Variants in P4HB observed in about 807,000 individuals in gnomAD.
P4HB encodes the protein prolyl 4-hydroxylase subunit beta.
P4HB carries 20 observed loss-of-function variants against 52.6 expected under a neutral mutation model. The ratio of observed to expected loss-of-function variants is 0.38; its 90% CI spans 0.27 to 0.55. The LOEUF is 0.55. Ranked by LOEUF, P4HB falls within the 20% of genes least tolerant of loss-of-function variation. The pLI is 0.74. For synonymous variants in P4HB, 296 were observed against 277.9 expected, an observed-to-expected ratio of 1.07 and a Z score of -0.65; for missense variants, 601 against 669.2, an observed-to-expected ratio of 0.90 and a Z score of 1.12.
At chr17:81,849,184 G>T (rs529788121) in intron 4 of P4HB, among the ~76,000 whole-genome samples, 50 of 151,718 alleles carry the variant, frequency 3.3e-4, no homozygotes, top group African/African-American at 1.2e-3. Context: ...TCGCACCACT[G>T]CACTCCAGCC....
intron 4 of P4HB, among the ~76,000 whole-genome samples, chr17:81,848,975 G>A (rs2143330288): frequency 6.6e-6 from 1 of 151,956 alleles, no homozygotes; most frequent in African/African-American, 2.4e-5. Flanking sequence ...GAACCCGGGA[G>A]GCAGAGGTTG....
At chr17:81,859,107 G>A (rs936311924) in intron 2 of P4HB, 74 bp downstream of exon 2, 27 of 1,401,334 alleles carry the variant, frequency 1.9e-5, no homozygotes, top group Non-Finnish European at 2.6e-5. Flanking sequence ...CGCTCAGACA[G>A]CTGCCCCTGC....
At position 81,845,939 on chromosome 17, in the gene P4HB, T is replaced by C. The variant is rs2038728845; in HGVS notation, c.1109A>G (p.Lys370Arg). 1 of 1,613,346 alleles carries C rather than the reference T, an allele frequency of 6.2e-7. No homozygotes were observed. The highest frequency in any genetic ancestry group is 1.1e-5 in the South Asian group (1 of 90,954). Residue 370 changes from lysine to arginine, a missense_variant, in exon 8 of 11, where the codon AAG becomes AGG. Transcript: ENST00000331483. ...TTCAAAGTTCTTCCCAACAAGCACC[T>C]TGACAGGCTGCTTGTCCCAGTCCTC... ...LPEDWDKQPV[K>R]VLVGKNFEDV...
At chr17:81,853,979 G>A (rs2038875038) in intron 4 of P4HB, among the ~76,000 whole-genome samples, 1 of 152,234 alleles carries the variant, frequency 6.6e-6, no homozygotes, top group Non-Finnish European at 1.5e-5. Flanking sequence ...GGACCCTGCT[G>A]TGTCCTGGTA....
In P4HB at chr17:81,859,183, G is replaced by C. The variant is rs1461731260; in HGVS notation, c.350C>G (p.Thr117Arg). 1 of 1,613,466 alleles carries C rather than the reference G, an allele frequency of 6.2e-7. No individual in the cohort carries two copies. Among genetic ancestry groups the C allele is most frequent in the Admixed American group, 1.7e-5 (1 of 60,024 alleles). The change falls in exon 2 of 11, where the codon ACA becomes AGA. Residue 117 changes from threonine (T) to arginine (R), a missense_variant and splice_region_variant. Thr to Arg is a moderately conservative substitution (Grantham distance 71). Coordinates refer to ENST00000331483, the MANE Select transcript of P4HB (RefSeq NM_000918.4). ...NGDTASPKEY[T>R]AGREADDIVN... is the part of the protein sequence containing the mutation. Reference sequence around the variant, plus strand: ...CAAGGGCAGTGCCACAGCCACACCTGTATATTCCTTGGGGGAAGCCGTGTC... The same window carrying C: ...CAAGGGCAGTGCCACAGCCACACCTCTATATTCCTTGGGGGAAGCCGTGTC...
In P4HB at chr17:81,846,815, C is replaced by T; in HGVS notation, c.855+132G>A. ...GGCCTGGCTGGCCCCTCGCCTACAT[C>T]CAGGCTGTCCTGAATCAGGTGCCCG... On this transcript the variant is annotated intron_variant, in intron 6 of 10. Coordinates refer to ENST00000331483, the MANE Select transcript of P4HB (RefSeq NM_000918.4). This position sits in a 1 kb window ranked among gnomAD's most constrained non-coding sequence, Gnocchi z 5.7. 1 of 1,314,770 alleles carries T rather than the reference C, an allele frequency of 7.6e-7. No individual in the cohort carries two copies. Among genetic ancestry groups the T allele is most frequent in the Non-Finnish European group, 1.1e-6 (1 of 936,166 alleles). 81.4% of individuals were successfully genotyped at this position (1,314,770 alleles called of 1,614,324 possible). A position where few individuals can be genotyped will look rare whatever the true frequency, so the allele number is the denominator to read the frequency against.
At chr17:81,856,334 CTTTTTT>C (rs531626630) in intron 2 of P4HB, among the ~76,000 whole-genome samples, 1 of 130,908 alleles carries the variant, frequency 7.6e-6, no homozygotes, top group Non-Finnish European at 1.6e-5. Flanking sequence ...ACCCAACTAA[CTTTTTT>C]TTTTTTTTTT....
At position 81,847,255 on chromosome 17, in the gene P4HB, C is replaced by T; in HGVS notation, c.717G>A (p.Glu239=). ...IKHNQLPLVI[E]FTEQTAPKIF... ...AGGGCAGCCGCACCTGCTCGGTGAA[C>T]TCGATGACAAGGGGCAGCTGGTTGT... The change falls in exon 5 of 11, where the codon GAG becomes GAA. Residue 239 remains glutamate (E), a synonymous_variant. Coordinates refer to ENST00000331483, the MANE Select transcript of P4HB (RefSeq NM_000918.4). The T allele has an allele frequency of 6.2e-7, 1 of 1,614,134 alleles. No individual in the cohort carries two copies.
Position 81,843,190 on chromosome 17 carries a change from A to G in P4HB, c.*822T>C, listed in dbSNP as rs1051319651. On this transcript the variant is annotated 3_prime_UTR_variant, in exon 11 of 11. Coordinates refer to ENST00000331483, the MANE Select transcript of P4HB (RefSeq NM_000918.4). ...GTAAAATTTCAACTTTATTTGGCCA[A>G]TGTGTTCAATTCGATTGTGAAATAG... The G allele has an allele frequency of 1.1e-5, 3 of 271,756 alleles. No individual in the cohort carries two copies. Among genetic ancestry groups the G allele is most frequent in the Admixed American group, 1.1e-4 (2 of 18,748 alleles). 16.8% of individuals were successfully genotyped at this position (271,756 alleles called of 1,614,324 possible).
At position 81,855,515 on chromosome 17, in the gene P4HB, C is replaced by T. The variant is rs1213082849; in HGVS notation, c.424G>A (p.Asp142Asn). ...RTGPAATTLP[D>N]GAAAESLVES... ...ACCAAGGACTCTGCAGCTGCGCCGT[C>T]AGGCAGGGTGGTGGCAGCCGGGCCC... is the stretch of plus-strand genomic sequence containing the variant. Residue 142 changes from aspartate to asparagine, a missense_variant, in exon 3 of 11, where the codon GAC becomes AAC. Coordinates refer to ENST00000331483, the MANE Select transcript of P4HB (RefSeq NM_000918.4). The surrounding 1 kb of genome is among the most constrained non-coding windows in gnomAD (Gnocchi z 4.3). 6.2e-7 allele frequency: 1 copy of T among 1,614,000 alleles called. No homozygotes were observed.
At position 81,860,463 on chromosome 17, in the gene P4HB, G is replaced by A; in HGVS notation, c.9C>T (p.Arg3=). Residue 3 remains arginine, a synonymous_variant, in exon 1 of 11, where the codon CGC becomes CGT. Transcript: ENST00000331483. ...CCACGGCCAGGCACAGCAGAGCGCG[G>A]CGCAGCATGTCGGACACGGATCAGG... ML[R]RALLCLAVAA... is the part of the protein sequence containing the mutation. The A allele has an allele frequency of 2.2e-6, 3 of 1,336,446 alleles. No individual in the cohort carries two copies. The highest frequency in any genetic ancestry group is 1.9e-6 in the Non-Finnish European group (2 of 1,040,232). The allele number at this position is 1,336,446 out of a possible 1,614,324, so 82.8% of individuals were successfully genotyped here.
At chr17:81,851,018 C>T (rs1008102148) in intron 4 of P4HB, among the ~76,000 whole-genome samples, 1 of 151,960 alleles carries the variant, frequency 6.6e-6, no homozygotes, top group East Asian at 1.9e-4. Context: ...GCAAGCTCCG[C>T]CTCCTGAGTT....
Position 81,860,356 on chromosome 17 carries a change from G to C in P4HB, c.116C>G (p.Ala39Gly). Residue 39 changes from alanine to glycine, a missense_variant, in exon 1 of 11, where the codon GCG (alanine) becomes GGG (glycine). Physicochemically the swap from Ala to Gly is moderately conservative, Grantham distance 60. Coordinates refer to ENST00000331483, the MANE Select transcript of P4HB (RefSeq NM_000918.4). ...CTCCACCAGCAGGTACTTGTGGGCCGCCAGCGCCTCCGCGAAGTTGCTTTT... is the reference window on the plus strand; with the variant it reads ...CTCCACCAGCAGGTACTTGTGGGCCCCCAGCGCCTCCGCGAAGTTGCTTTT... Reference protein sequence around the residue: ...LRKSNFAEALAAHKYLLVEFY... With the variant: ...LRKSNFAEALGAHKYLLVEFY... 6.8e-7 allele frequency: 1 copy of C among 1,472,330 alleles called. No individual in the cohort carries two copies. The highest frequency in any genetic ancestry group is 9.0e-7 in the Non-Finnish European group (1 of 1,110,986). 91.2% of individuals were successfully genotyped at this position (1,472,330 alleles called of 1,614,324 possible). A position where few individuals can be genotyped will look rare whatever the true frequency, so the allele number is the denominator to read the frequency against.
intron 4 of P4HB, among the ~76,000 whole-genome samples, chr17:81,853,548 T>TG (rs1377424457): frequency 6.6e-6 from 1 of 150,840 alleles, no homozygotes; most frequent in African/African-American, 2.4e-5. Flanking sequence ...CACTCCAGCC[T>TG]GGGCGACAGA....
chr17:81,858,147 C>T (rs2038941242), intron 2 of P4HB, among the ~76,000 whole-genome samples: 1 of 151,010 alleles, frequency 6.6e-6, no homozygotes, highest in South Asian at 2.1e-4. Flanking sequence ...TGGTGCACAC[C>T]TGTAGCCCCA....
intron 2 of P4HB, among the ~76,000 whole-genome samples, chr17:81,857,946 G>A (rs1283422137): frequency 6.6e-6 from 1 of 152,080 alleles, no homozygotes; most frequent in Admixed American, 6.6e-5. Context: ...ACAGAACCAC[G>A]GTGACTTTGG....
In P4HB at chr17:81,843,785, C is replaced by A. The variant is rs201581381; in HGVS notation, c.*227G>T. 68 of 597,340 alleles carry A rather than the reference C, an allele frequency of 1.1e-4. No homozygotes were observed. Among genetic ancestry groups the A allele is most frequent in the Non-Finnish European group, 1.6e-4 (55 of 336,288 alleles). The allele number at this position is 597,340 out of a possible 1,614,324, so 37.0% of individuals were successfully genotyped here. A position where few individuals can be genotyped will look rare whatever the true frequency, so the allele number is the denominator to read the frequency against. On this transcript the variant is annotated 3_prime_UTR_variant, in exon 11 of 11. Coordinates refer to ENST00000331483, the MANE Select transcript of P4HB (RefSeq NM_000918.4). The stretch of plus-strand genomic sequence containing the variant: ...CATGGTTTCAGGAAACAAGCCCCAC[C>A]AGGGTGGGCTGCCTGGAGATGGATC...
chr17:81,858,405 G>A (rs1339832263), intron 2 of P4HB, among the ~76,000 whole-genome samples: 1 of 151,156 alleles, frequency 6.6e-6, no homozygotes, highest in African/African-American at 2.4e-5. Context: ...AGGCAACCAC[G>A]GAGTTGCTGC....
intron 2 of P4HB, among the ~76,000 whole-genome samples, chr17:81,857,374 C>G (rs1217967234): frequency 1.3e-5 from 2 of 152,156 alleles, no homozygotes; most frequent in East Asian, 3.9e-4. Flanking sequence ...GCCTCGAACT[C>G]CTGACCTCAG....
Sources: gnomAD v4.1 joint callset for allele counts (sites outside exome capture counted in the v4.1 genomes callset) on GRCh38, gnomAD v4.1.1 for gene constraint, Gnocchi (gnomAD v3.1) non-coding constraint, MANE v1.5 for transcripts, NCBI Gene and HGNC (gene_info 2026-07-23, HGNC 2026-07-21) for gene names.